GPR89B: variants seen among roughly 807,000 people sequenced by gnomAD.
GPR89B encodes the protein golgi pH regulator B.
Under a neutral mutation model 52.4 loss-of-function variants are expected in GPR89B, and 25 were observed. The observed-to-expected ratio is 0.48, with a 90% CI of 0.35 to 0.67. The LOEUF is 0.67. Among genes scored for constraint, GPR89B ranks in the 30% least tolerant of loss-of-function variants. The pLI is 0.01. For synonymous variants in GPR89B, 52 were observed against 151.2 expected (o/e 0.34, Z 4.81); for missense variants, 146 against 450.2 (o/e 0.32, Z 6.11).
chr1:148,008,204 C>G, the GPR89B span, among the ~76,000 whole-genome samples: 1 of 152,222 alleles, frequency 6.6e-6, no homozygotes, highest in Non-Finnish European at 1.5e-5. Flanking sequence ...CAGCATTTCT[C>G]CTGCTACCTT....
chr1:147,928,493 C>T lies in GPR89B; in HGVS notation c.-44C>T, dbSNP rs1553246449. 4 of 1,613,160 alleles carry T rather than the reference C, an allele frequency of 2.5e-6. No individual in the cohort carries two copies. The East Asian group carries it at 6.7e-5, about 27-fold the overall frequency. ...CTGTGGCCCCAGCGTGCTGTGGCCTCCGGGAGTGGGAAGTGGAGGCAGGAG... is the reference window on the plus strand; with the variant it reads ...CTGTGGCCCCAGCGTGCTGTGGCCTTCGGGAGTGGGAAGTGGAGGCAGGAG... On this transcript the variant is annotated 5_prime_UTR_variant, in exon 1 of 14. Coordinates refer to ENST00000314163, the MANE Select transcript of GPR89B (RefSeq NM_016334.5).
At chr1:147,932,271 G>A (rs1334863507) in intron 1 of GPR89B, among the ~76,000 whole-genome samples, 14 of 151,778 alleles carry the variant, frequency 9.2e-5, no homozygotes, top group African/African-American at 3.2e-4. Flanking sequence ...TAATCTGTTT[G>A]ACCCTTTCCT....
intron 8 of GPR89B, 77 bp from the exon 9 acceptor site, chr1:147,968,798 C>A: frequency 6.2e-7 from 1 of 1,611,568 alleles, no homozygotes; most frequent in Non-Finnish European, 8.5e-7. Flanking sequence ...GTAGGAAAAA[C>A]TAAAAGTATA....
downstream of GPR89B, among the ~76,000 whole-genome samples, chr1:147,998,140 T>C (rs1292527000): frequency 6.7e-6 from 1 of 148,322 alleles, no homozygotes; most frequent in Non-Finnish European, 1.5e-5. Context: ...GACCTGGGTA[T>C]GGTGTGATCC....
At chr1:147,985,936 A>AT (rs1658632398) in intron 10 of GPR89B, among the ~76,000 whole-genome samples, 1 of 152,250 alleles carries the variant, frequency 6.6e-6, no homozygotes, top group South Asian at 2.1e-4. Flanking sequence ...GGCTCCTGAT[A>AT]AATTAAGGCA....
In GPR89B at chr1:147,982,236, A is replaced by G. The variant is rs1341296479; in HGVS notation, c.910-3963A>G. 5.8e-4 allele frequency among the ~76,000 whole-genome samples: 88 copies of G among 150,870 alleles called. 1 individual carries two copies. Among genetic ancestry groups the G allele is most frequent in the African/African-American group, 2.1e-3 (84 of 40,844 alleles). ...AACCACTCCCGGCTAACTTTTTTGT[A>G]TTTTTAGTAGAGACAGGGTTTCACC... On this transcript the variant is annotated intron_variant, in intron 10 of 13. Transcript: ENST00000314163.
intron 10 of GPR89B, among the ~76,000 whole-genome samples, chr1:147,973,322 G>T (rs1380485133): frequency 1.3e-5 from 2 of 152,138 alleles, no homozygotes; most frequent in Admixed American, 1.3e-4. Context: ...ACCAGCATCT[G>T]TTGTTTCTTG....
chr1:148,018,222 T>C, the GPR89B span, among the ~76,000 whole-genome samples: 1 of 138,792 alleles, frequency 7.2e-6, no homozygotes, highest in African/African-American at 2.8e-5. Context: ...ATCGAGACCA[T>C]CCTGGCTAAC....
At chr1:148,000,949 T>C in the GPR89B span, among the ~76,000 whole-genome samples, 14 of 112,380 alleles carry the variant, frequency 1.2e-4, no homozygotes, top group East Asian at 3.6e-3. Context: ...TAATCCTTTC[T>C]AGGCTTTTAT....
chr1:148,011,290 T>A, the GPR89B span: 4 of 152,178 alleles, frequency 2.6e-5, no homozygotes, highest in Admixed American at 2.0e-4. Context: ...CTGTGCTGGA[T>A]CTAATCTTGA....
intron 5 of GPR89B, among the ~76,000 whole-genome samples, chr1:147,950,437 C>T (rs1248071112): frequency 6.6e-6 from 1 of 151,360 alleles, no homozygotes; most frequent in Non-Finnish European, 1.5e-5. Context: ...AGAGACGCTC[C>T]TCACTTTCCA....
the GPR89B span, among the ~76,000 whole-genome samples, chr1:148,022,489 G>C: frequency 4.0e-5 from 6 of 151,098 alleles, no homozygotes; most frequent in East Asian, 1.2e-3. Flanking sequence ...TCTCCTTGTA[G>C]AGTTTTGGTC....
chr1:148,022,209 A>G, the GPR89B span, among the ~76,000 whole-genome samples: 64 of 151,228 alleles, frequency 4.2e-4, no homozygotes, highest in Admixed American at 3.9e-3. Context: ...TTCTTCCAGG[A>G]TTGAGTTTCA....
chr1:147,965,950 G>A (rs1410540796), intron 7 of GPR89B, among the ~76,000 whole-genome samples: 2 of 151,718 alleles, frequency 1.3e-5, no homozygotes, highest in African/African-American at 4.9e-5. Context: ...AGGTTCAAGC[G>A]ATTCTCCTGC....
At chr1:147,949,998 A>T (rs1553250690) in intron 5 of GPR89B, among the ~76,000 whole-genome samples, 1 of 134,106 alleles carries the variant, frequency 7.5e-6, no homozygotes, top group Admixed American at 7.2e-5. Flanking sequence ...TCCCTCCCGG[A>T]CGGGGCGGCT....
chr1:147,983,695 G>A (rs1343527783), intron 10 of GPR89B, among the ~76,000 whole-genome samples: 4,189 of 151,832 alleles, frequency 0.028, 154 homozygotes, highest in African/African-American at 0.095. Context: ...TGGAGAGGAT[G>A]TGGAGAAACA....
At chr1:147,971,999 C>A (rs1437331084) in intron 10 of GPR89B, among the ~76,000 whole-genome samples, 4 of 152,010 alleles carry the variant, frequency 2.6e-5, no homozygotes, top group African/African-American at 9.7e-5. Context: ...AGTCCCCAGA[C>A]GACTGCCAGT....
rs1321221843 is a variant in GPR89B at position 147,956,953 on chromosome 1, G to A, written c.617+2551G>A. ...GGGTTTCACCATGTTGGACCAGGCT[G>A]GTCTCAAACTCTTGACCTCAAGTGA... On this transcript the variant is annotated intron_variant, in intron 7 of 13. Coordinates refer to ENST00000314163, the MANE Select transcript of GPR89B (RefSeq NM_016334.5). 2.5e-3 allele frequency among the ~76,000 whole-genome samples: 375 copies of A among 151,888 alleles called. 6 individuals carry two copies. The highest frequency in any genetic ancestry group is 8.1e-3 in the African/African-American group (336 of 41,236).
At chr1:148,002,099 T>TC in the GPR89B span, among the ~76,000 whole-genome samples, 1 of 150,446 alleles carries the variant, frequency 6.6e-6, no homozygotes, top group African/African-American at 2.5e-5. Context: ...GCTGGGTATC[T>TC]CCAACAAAAT....
Sources: gnomAD v4.1 joint callset for allele counts (sites outside exome capture counted in the v4.1 genomes callset) on GRCh38, gnomAD v4.1.1 for gene constraint, MANE v1.5 for transcripts, NCBI Gene and HGNC (gene_info 2026-07-23, HGNC 2026-07-21) for gene names.